TTC13: variants seen among roughly 807,000 people sequenced by gnomAD.
The protein encoded by TTC13 is tetratricopeptide repeat protein 13.
In TTC13, 62 loss-of-function variants were observed where a neutral mutation model predicts 120.0. That is an observed-to-expected ratio of 0.52 (90% CI 0.42 to 0.64). TTC13 has a LOEUF of 0.64. TTC13 is among the 30% of genes least tolerant of loss of function. The probability of loss-of-function intolerance (pLI) is 0.00; values close to 1 mark genes in which losing one functional copy is unlikely to be tolerated. For synonymous variants in TTC13, 384 were observed against 393.5 expected (o/e 0.98, Z 0.28); for missense variants, 824 against 1,050.2 (o/e 0.78, Z 2.98).
intron 1 of TTC13, among the ~76,000 whole-genome samples, chr1:230,969,876 C>T (rs1004618460): frequency 1.3e-5 from 2 of 152,196 alleles, no homozygotes; most frequent in African/African-American, 4.8e-5. Context: ...AGGCTAAAAT[C>T]GCAGTGTTTT....
chr1:230,907,654 A>G (rs1016263911), intron 22 of TTC13, among the ~76,000 whole-genome samples: 7 of 152,248 alleles, frequency 4.6e-5, no homozygotes, highest in African/African-American at 1.7e-4. Context: ...AGAAGCTTTC[A>G]TTGCAAAGCT....
intron 17 of TTC13, among the ~76,000 whole-genome samples, chr1:230,916,785 C>T (rs1000528904): frequency 6.6e-6 from 1 of 152,216 alleles, no homozygotes; most frequent in African/African-American, 2.4e-5. Flanking sequence ...CACCCACACC[C>T]ACACCCACCC....
chr1:230,914,524 A>T (rs921075095), intron 18 of TTC13, among the ~76,000 whole-genome samples: 5 of 152,112 alleles, frequency 3.3e-5, no homozygotes, highest in South Asian at 2.1e-4. Context: ...CCTCCAGAGT[A>T]GCTGGAATTA....
intron 12 of TTC13, 56 bp from the exon 13 acceptor site, chr1:230,925,703 C>T (rs1672991029): frequency 2.2e-5 from 35 of 1,595,006 alleles, no homozygotes; most frequent in Non-Finnish European, 2.9e-5. Context: ...TTTGGTAATC[C>T]AATTCCACCT....
At chr1:230,963,260 C>T (rs1314845519) in intron 1 of TTC13, among the ~76,000 whole-genome samples, 1 of 152,090 alleles carries the variant, frequency 6.6e-6, no homozygotes, top group Non-Finnish European at 1.5e-5. Context: ...AGAAACAAGA[C>T]ATGATATGGT....
intron 4 of TTC13, among the ~76,000 whole-genome samples, chr1:230,949,513 C>T (rs1675340121): frequency 6.6e-6 from 1 of 150,802 alleles, no homozygotes; most frequent in Admixed American, 6.6e-5. Context: ...GGATGTGTGC[C>T]CCACACAGAG....
chr1:230,915,489 T>C (rs763003895), intron 18 of TTC13, among the ~76,000 whole-genome samples: 1 of 152,202 alleles, frequency 6.6e-6, no homozygotes, highest in Non-Finnish European at 1.5e-5. Context: ...TGCAGTGCTA[T>C]TTATAAAGCA....
At chr1:230,935,338 T>A (rs999342651) in intron 8 of TTC13, among the ~76,000 whole-genome samples, 1 of 152,202 alleles carries the variant, frequency 6.6e-6, no homozygotes, top group African/African-American at 2.4e-5. Context: ...GTCACCAGGT[T>A]ATCGGAATAC....
intron 1 of TTC13, among the ~76,000 whole-genome samples, chr1:230,971,345 CA>C (rs11453211): frequency 2.3e-3 from 187 of 80,800 alleles, no homozygotes; most frequent in Middle Eastern, 8.2e-3. Flanking sequence ...GACTCCATCT[CA>C]AAAAAAAAAA....
intron 15 of TTC13, among the ~76,000 whole-genome samples, chr1:230,923,427 G>A (rs1386622540): frequency 6.6e-6 from 1 of 151,936 alleles, no homozygotes; most frequent in African/African-American, 2.4e-5. Context: ...GGAATGGGGA[G>A]CCGCCCACCG....
Position 230,906,799 on chromosome 1 carries a change from T to C in TTC13, c.*106A>G. ...AGTATTCAATTCCTATAAAAATTGG[T>C]ATCAAAAGTAATAGAGGACCTAATT... On this transcript the variant is annotated 3_prime_UTR_variant, in exon 23 of 23. Coordinates refer to ENST00000366661, the MANE Select transcript of TTC13 (RefSeq NM_024525.5). 1 of 442,244 alleles carries C rather than the reference T, an allele frequency of 2.3e-6. No individual in the cohort carries two copies. Among genetic ancestry groups the C allele is most frequent in the Admixed American group, 4.1e-5 (1 of 24,660 alleles). The allele number at this position is 442,244 out of a possible 1,614,324, so 27.4% of individuals were successfully genotyped here.
chr1:230,908,893 T>C, intron 21 of TTC13, 49 bp downstream of exon 21: 1 of 1,610,182 alleles, frequency 6.2e-7, no homozygotes, highest in South Asian at 1.1e-5. Flanking sequence ...ATCCATAAAT[T>C]GGGACTTAAT....
intron 8 of TTC13, 88 bp from the exon 9 acceptor site, chr1:230,933,949 C>T: frequency 1.3e-6 from 1 of 747,834 alleles, no homozygotes; most frequent in Non-Finnish European, 2.0e-6. Context: ...AAATATATAT[C>T]CTAGTCTCTG....
At chr1:230,915,179 T>C (rs932677164) in intron 18 of TTC13, among the ~76,000 whole-genome samples, 2 of 152,194 alleles carry the variant, frequency 1.3e-5, no homozygotes, top group African/African-American at 4.8e-5. Flanking sequence ...AGTTTTGACA[T>C]GGAACTTGAA....
intron 1 of TTC13, among the ~76,000 whole-genome samples, chr1:230,971,170 C>G (rs536268083): frequency 1.0e-4 from 14 of 140,480 alleles, no homozygotes; most frequent in Non-Finnish European, 1.8e-4. Flanking sequence ...ATGGTGGAAC[C>G]CTGTCTCTAT....
rs775723918 is a variant in TTC13, at chr1:230,920,502, A to G, written c.1983+8T>C. ...AAACATGGACTGCCATTCTGATGCT[A>G]AAGTTACCTTCATAATCGGAAGAAG... is the stretch of plus-strand genomic sequence containing the variant. On this transcript the variant is annotated splice_region_variant and intron_variant, in intron 17 of 22. Coordinates refer to ENST00000366661, the MANE Select transcript of TTC13 (RefSeq NM_024525.5). 4 of 1,606,690 alleles carry G rather than the reference A, an allele frequency of 2.5e-6. No homozygotes were observed. The South Asian group carries it at 3.3e-5, about 13-fold the overall frequency.
At chr1:230,963,147 A>G (rs1394180567) in intron 1 of TTC13, among the ~76,000 whole-genome samples, 1 of 152,206 alleles carries the variant, frequency 6.6e-6, no homozygotes, top group African/African-American at 2.4e-5. Flanking sequence ...ATGTTCAAGG[A>G]ACCATCTGAG....
intron 3 of TTC13, among the ~76,000 whole-genome samples, chr1:230,955,900 G>A (rs915232712): frequency 9.2e-5 from 14 of 152,068 alleles, no homozygotes; most frequent in Non-Finnish European, 1.8e-4. Context: ...AATAGATACC[G>A]TTCAGTTAGC....
chr1:230,942,728 A>G lies in TTC13; in HGVS notation c.672+1078T>C, dbSNP rs974812310. Among the ~76,000 whole-genome samples the G allele has an allele frequency of 3.9e-5, 6 of 152,208 alleles. No individual in the cohort carries two copies. Among genetic ancestry groups the G allele is most frequent in the African/African-American group, 1.2e-4 (5 of 41,448 alleles). On this transcript the variant is annotated intron_variant, in intron 6 of 22. Coordinates refer to ENST00000366661, the MANE Select transcript of TTC13 (RefSeq NM_024525.5). This position sits in a 1 kb window ranked among gnomAD's most constrained non-coding sequence, Gnocchi z 4.0. ...AAACAAACACATTTCACTTAAAAAC[A>G]TAAAACAGAATGCCTTTGTACAGAC...
Sources: gnomAD v4.1 joint callset for allele counts (sites outside exome capture counted in the v4.1 genomes callset) on GRCh38, gnomAD v4.1.1 for gene constraint, Gnocchi (gnomAD v3.1) non-coding constraint, MANE v1.5 for transcripts, NCBI Gene and HGNC (gene_info 2026-07-23, HGNC 2026-07-21) for gene names.